Variants in CILP observed in about 807,000 individuals in gnomAD.
The protein encoded by CILP is cartilage intermediate layer protein.
A neutral mutation model predicts 82.5 loss-of-function variants in CILP; 75 were observed. The observed-to-expected ratio is 0.91, with a 90% CI of 0.75 to 1.10. The LOEUF (loss-of-function observed/expected upper bound fraction) is 1.10. Among genes scored for constraint, CILP ranks in the 50% least tolerant of loss-of-function variants. The pLI, the probability that CILP is intolerant of heterozygous loss-of-function variation, is 0.00. For missense variants in CILP, 1,479 were observed against 1,530.8 expected (o/e 0.97, Z 0.56); for synonymous variants, 530 against 580.3 (o/e 0.91, Z 1.25).
chr15:65,205,248 C>T (rs1334655765), intron 5 of CILP, 39 bp downstream of exon 5: 3 of 1,555,596 alleles, frequency 1.9e-6, no homozygotes, highest in Non-Finnish European at 2.6e-6. Flanking sequence ...TCAGCCTCAC[C>T]CACCACACCC....
chr15:65,198,085 A>T lies in CILP; in HGVS notation c.2201T>A (p.Leu734Gln). Residue 734 changes from leucine (L) to glutamine (Q), a missense_variant, in exon 9 of 9, where the codon CTG becomes CAG. By Grantham distance (113) the Leu-to-Gln change is moderately radical (BLOSUM62 -2). Transcript: ENST00000261883. The stretch of plus-strand genomic sequence containing the variant: ...AAAGAGCCTCCTCTCACGAATCTCC[A>T]GGTTGCCCACCAGGAAGGTTCTGTC... Reference protein sequence around the residue: ...REDRTFLVGNLEIRERRLFNL... With the variant: ...REDRTFLVGNQEIRERRLFNL... 6.2e-7 allele frequency: 1 copy of T among 1,614,204 alleles called. No individual in the cohort carries two copies. The highest frequency in any genetic ancestry group is 8.5e-7 in the Non-Finnish European group (1 of 1,180,026).
chr15:65,208,471 G>A (rs368276701), intron 2 of CILP, among the ~76,000 whole-genome samples: 7 of 152,154 alleles, frequency 4.6e-5, no homozygotes, highest in South Asian at 4.1e-4. Flanking sequence ...AGCACATAAC[G>A]CATACTGAAT....
At chr15:65,203,735 A>G (rs927081901) in intron 6 of CILP, among the ~76,000 whole-genome samples, 9 of 152,220 alleles carry the variant, frequency 5.9e-5, no homozygotes, top group Admixed American at 3.9e-4. Context: ...TGTGTCAGCC[A>G]AGATTCCAAG....
intron 8 of CILP, among the ~76,000 whole-genome samples, chr15:65,200,739 A>G (rs1013885993): frequency 2.6e-5 from 4 of 152,134 alleles, no homozygotes; most frequent in Non-Finnish European, 2.9e-5. Context: ...TCACATGGGG[A>G]GGTTTTAAAC....
At chr15:65,206,722 C>G (rs1000004789) in intron 4 of CILP, 60 bp downstream of exon 4, 17 of 1,550,290 alleles carry the variant, frequency 1.1e-5, no homozygotes, top group Non-Finnish European at 5.2e-6. Flanking sequence ...CAGGTTCTCC[C>G]TCTCCCTGAG....
chr15:65,211,030 A>G (rs2088580934), intron 1 of CILP, among the ~76,000 whole-genome samples: 2 of 152,232 alleles, frequency 1.3e-5, no homozygotes, highest in Admixed American at 6.5e-5. Flanking sequence ...ACCATTTCCC[A>G]TCTGGCAGCC....
rs2088483650 is a variant in CILP at position 65,203,469 on chromosome 15, C to G, written c.921G>C (p.Glu307Asp). Residue 307 changes from glutamate to aspartate, a missense_variant and splice_region_variant, in exon 7 of 9, where the codon GAG becomes GAC. Transcript: ENST00000261883. ...ATIKAEFVRA[E>D]TPYMVMNPET... ...CAGGGTTCATCACCATGTATGGAGTCTCTGGGACAGAAAATGAGAAATAGC... is the reference window on the plus strand; with the variant it reads ...CAGGGTTCATCACCATGTATGGAGTGTCTGGGACAGAAAATGAGAAATAGC... 2 of 1,611,528 alleles carry G rather than the reference C, an allele frequency of 1.2e-6. No homozygotes were observed. The highest frequency in any genetic ancestry group is 2.7e-5 in the African/African-American group (2 of 74,844).
chr15:65,207,148 C>T, intron 3 of CILP, 97 bp from the exon 4 acceptor site: 1 of 1,352,482 alleles, frequency 7.4e-7, no homozygotes, highest in Non-Finnish European at 1.0e-6. Flanking sequence ...CAGGCCCTAT[C>T]ACATTTGTCT....
chr15:65,207,256 A>T (rs371764019), intron 3 of CILP, among the ~76,000 whole-genome samples: 2 of 152,044 alleles, frequency 1.3e-5, no homozygotes, highest in African/African-American at 4.8e-5. Context: ...CACTTTCCAC[A>T]TCAAGGCTCC....
chr15:65,200,205 T>G (rs1021969027), intron 8 of CILP, among the ~76,000 whole-genome samples: 6 of 152,222 alleles, frequency 3.9e-5, no homozygotes, highest in Non-Finnish European at 8.8e-5. Flanking sequence ...GTTAGGACCA[T>G]GCACATATAC....
At position 65,198,808 on chromosome 15, in the gene CILP, C is replaced by T. The variant is rs201168275; in HGVS notation, c.1478G>A (p.Arg493Gln). Residue 493 changes from arginine to glutamine, a missense_variant, in exon 9 of 9, where the codon CGG becomes CAG. Physicochemically the swap from Arg to Gln is conservative, Grantham distance 43 (BLOSUM62 1). Coordinates refer to ENST00000261883, the MANE Select transcript of CILP (RefSeq NM_003613.4). ...ATTGTCAGCAGCACTGACACGGCCC[C>T]GCACGATGCTCCGAGTTTCCGTACA... ...QRCTETRSIVRGRVSAADNGE... is the reference protein window; with the variant it reads ...QRCTETRSIVQGRVSAADNGE... The T allele has an allele frequency of 2.6e-5, 42 of 1,614,152 alleles. No individual in the cohort carries two copies. The African/African-American group carries it at 3.1e-4, about 12-fold the overall frequency.
chr15:65,201,216 G>C (rs956564355), intron 8 of CILP, among the ~76,000 whole-genome samples: 1 of 152,046 alleles, frequency 6.6e-6, no homozygotes. Flanking sequence ...TGTCCAGGCT[G>C]GTCTCGAACT....
Position 65,196,783 on chromosome 15 carries a change from A to C in CILP, c.3503T>G (p.Val1168Gly). The C allele has an allele frequency of 6.3e-7, 1 of 1,589,098 alleles. No homozygotes were observed. The highest frequency in any genetic ancestry group is 8.6e-7 in the Non-Finnish European group (1 of 1,165,922). ...ASRGGQRQGG[V>G]VASLRFPRVA... ...TCTAGGAAATCTCAGAGAGGCCACC[A>C]CTCCACCCTGGCGCTGGCCACCCCT... The change falls in exon 9 of 9, where the codon GTG (valine) becomes GGG (glycine). Residue 1168 changes from valine (V) to glycine (G), a missense_variant. Physicochemically the swap from Val to Gly is moderately radical, Grantham distance 109. Transcript: ENST00000261883.
Position 65,198,785 on chromosome 15 carries a change from T to C in CILP, c.1501A>G (p.Asn501Asp). Residue 501 changes from asparagine (N) to aspartate (D), a missense_variant, in exon 9 of 9, where the codon AAT becomes GAT. Coordinates refer to ENST00000261883, the MANE Select transcript of CILP (RefSeq NM_003613.4). ...TGGCCAAAGCGCATGGGCTCCCCAT[T>C]GTCAGCAGCACTGACACGGCCCCGC... ...IVRGRVSAAD[N>D]GEPMRFGHVY... 1 of 1,614,214 alleles carries C rather than the reference T, an allele frequency of 6.2e-7. No individual in the cohort carries two copies. The highest frequency in any genetic ancestry group is 8.5e-7 in the Non-Finnish European group (1 of 1,180,040).
rs10634666 is a variant in CILP, at chr15:65,202,834, C to CTTTTTT, written c.1028+522_1028+527dup. Among the ~76,000 whole-genome samples, 12 of 117,560 alleles carry CTTTTTT rather than the reference C, an allele frequency of 1.0e-4. 1 individual carries two copies. The highest frequency in any genetic ancestry group is 2.0e-4 in the African/African-American group (6 of 29,808). 77.1% of individuals were successfully genotyped at this position (117,560 alleles called of 152,430 possible). ...CCAGAGATGCTCCAGGGGACCACAGCTTTTTTTTTTTTTTTTTTTGAGACA... is the reference window on the plus strand; with the variant it reads ...CCAGAGATGCTCCAGGGGACCACAGCTTTTTTTTTTTTTTTTTTTTTTTTTGAGACA... On this transcript the variant is annotated intron_variant, in intron 7 of 8. Transcript: ENST00000261883.
At position 65,209,650 on chromosome 15, in the gene CILP, G is replaced by A. The variant is rs1419782092; in HGVS notation, c.61+45C>T. The A allele has an allele frequency of 2.5e-6, 4 of 1,593,298 alleles. No homozygotes were observed. The East Asian group carries it at 8.9e-5, about 36-fold the overall frequency. ...GTCCCAGACCAGACACAACCTCACTGTGGCAAGTGGAAGATTTGGGAGCCA... is the reference window on the plus strand; with the variant it reads ...GTCCCAGACCAGACACAACCTCACTATGGCAAGTGGAAGATTTGGGAGCCA... On this transcript the variant is annotated intron_variant, in intron 2 of 8. Coordinates refer to ENST00000261883, the MANE Select transcript of CILP (RefSeq NM_003613.4).
At chr15:65,202,834 CTTTTT>C (rs10634666) in intron 7 of CILP, among the ~76,000 whole-genome samples, 1 of 117,548 alleles carries the variant, frequency 8.5e-6, no homozygotes. Context: ...GGGACCACAG[CTTTTT>C]TTTTTTTTTT....
chr15:65,197,425 C>G lies in CILP; in HGVS notation c.2861G>C (p.Cys954Ser). Residue 954 changes from cysteine (C) to serine (S), a missense_variant, in exon 9 of 9, where the codon TGC becomes TCC. Cys to Ser is a moderately radical substitution (Grantham distance 112). Transcript: ENST00000261883. ...CCCCACAATCTTCACCTTGATATAG[C>G]AGGCCCTGAATTCCATCGGCTTTGG... is the stretch of plus-strand genomic sequence containing the variant. ...WWPKPMEFRA[C>S]YIKVKIVGPL... 1 of 1,614,260 alleles carries G rather than the reference C, an allele frequency of 6.2e-7. No individual in the cohort carries two copies.
At position 65,209,760 on chromosome 15, in the gene CILP, C is replaced by T; in HGVS notation, c.-5G>A. ...CCAGGCCTTGGTCCCCACCATCTTT[C>T]CCCCAAGCCCGTGGGAACGTGGCAA... On this transcript the variant is annotated 5_prime_UTR_variant, in exon 2 of 9. Coordinates refer to ENST00000261883, the MANE Select transcript of CILP (RefSeq NM_003613.4). 3 of 1,613,950 alleles carry T rather than the reference C, an allele frequency of 1.9e-6. No homozygotes were observed. The highest frequency in any genetic ancestry group is 2.5e-6 in the Non-Finnish European group (3 of 1,179,902).
Sources: gnomAD v4.1 joint callset for allele counts (sites outside exome capture counted in the v4.1 genomes callset) on GRCh38, gnomAD v4.1.1 for gene constraint, MANE v1.5 for transcripts, NCBI Gene and HGNC (gene_info 2026-07-23, HGNC 2026-07-21) for gene names.